Variants in NHSL2 observed in about 807,000 individuals in gnomAD.
NHSL2 encodes NHS like 2, also known as NHS-like protein 2.
In NHSL2, 27 loss-of-function variants were observed where a neutral mutation model predicts 53.4. That is an observed-to-expected ratio of 0.51 (90% CI 0.37 to 0.70). NHSL2 has a LOEUF of 0.70. NHSL2 is among the 30% of genes least tolerant of loss of function. NHSL2 has a pLI of 0.00. For synonymous variants in NHSL2, 408 were observed against 404.1 expected (o/e 1.01, Z -0.12); for missense variants, 892 against 980.1 (o/e 0.91, Z 1.20).
At chrX:72,064,864 A>C (rs1277658589) in intron 1 of NHSL2, among the ~76,000 whole-genome samples, 1 of 111,301 alleles carries the variant, frequency 9.0e-6, no homozygotes, top group Non-Finnish European at 1.9e-5. Flanking sequence ...ACAGGCGAAA[A>C]AGAAAGAAGC....
At position 72,134,143 on chromosome X, in the gene NHSL2, C is replaced by G. The variant is rs758768113; in HGVS notation, c.489C>G (p.Arg163=). Residue 163 remains arginine (R), a synonymous_variant, in exon 3 of 8, where the codon CGC becomes CGG. Transcript: ENST00000633930. ...CCAGACTTGTGGGGCAGACCTTCCG[C>G]TCTTCTGATGAGGCCACTAAGCCCA... ...SEARLVGQTF[R]SSDEATKPTP... The G allele has an allele frequency of 1.4e-5, 16 of 1,165,202 alleles. No homozygotes were observed. The South Asian group carries it at 3.0e-4, about 22-fold the overall frequency.
chrX:71,945,126 G>C lies in NHSL2; in HGVS notation c.280+33759G>C, dbSNP rs184246000. Among the ~76,000 whole-genome samples, 218 of 112,165 alleles carry C rather than the reference G, an allele frequency of 1.9e-3. 1 individual carries two copies. Among genetic ancestry groups the C allele is most frequent in the African/African-American group, 6.8e-3 (209 of 30,860 alleles). On this transcript the variant is annotated intron_variant, in intron 1 of 7. Coordinates refer to ENST00000633930, the MANE Select transcript of NHSL2 (RefSeq NM_001013627.3). ...TTGAATGCCAACTCTGAGGCAGTTG[G>C]GGGGGTCATCCGTTGGGGAGTCCAG...
chrX:71,923,151 G>A (rs922802796), intron 1 of NHSL2, among the ~76,000 whole-genome samples: 2 of 111,304 alleles, frequency 1.8e-5, no homozygotes, highest in Non-Finnish European at 3.8e-5. Flanking sequence ...GATGCCAGAG[G>A]GAGCTGGTAG....
intron 1 of NHSL2, among the ~76,000 whole-genome samples, chrX:72,106,228 A>AATTC (rs2042039022): frequency 1.8e-5 from 2 of 109,725 alleles, no homozygotes; most frequent in South Asian, 7.6e-4. Flanking sequence ...AAGAAACTTG[A>AATTC]ATTCATTCAT....
At chrX:71,922,115 T>G (rs1048638606) in intron 1 of NHSL2, among the ~76,000 whole-genome samples, 1 of 112,701 alleles carries the variant, frequency 8.9e-6, no homozygotes, top group Non-Finnish European at 1.9e-5. Flanking sequence ...TAATCCCATT[T>G]ATACTTCAAC....
chrX:71,928,439 G>A (rs2041696503), intron 1 of NHSL2, among the ~76,000 whole-genome samples: 1 of 112,416 alleles, frequency 8.9e-6, no homozygotes, highest in Non-Finnish European at 1.9e-5. Flanking sequence ...GATGCTTTGT[G>A]CCTAATGTCA....
At chrX:72,099,806 T>C (rs761928180) in intron 1 of NHSL2, among the ~76,000 whole-genome samples, 2 of 112,874 alleles carry the variant, frequency 1.8e-5, no homozygotes, top group Admixed American at 1.9e-4. Flanking sequence ...AAATTATTAA[T>C]GGGATACTTT....
intron 1 of NHSL2, among the ~76,000 whole-genome samples, chrX:72,117,818 T>TTTTATTTA (rs779724895): frequency 0.16 from 15,215 of 95,339 alleles, 1,127 homozygotes; most frequent in African/African-American, 0.21. Flanking sequence ...TAGACCACAT[T>TTTTATTTA]TTTATTTATT....
intron 1 of NHSL2, among the ~76,000 whole-genome samples, chrX:72,099,231 C>T (rs1296395407): frequency 8.9e-6 from 1 of 112,044 alleles, no homozygotes; most frequent in Non-Finnish European, 1.9e-5. Context: ...GCTACATTCC[C>T]CTCCCCAGCT....
At chrX:72,087,726 G>C (rs756399824) in intron 1 of NHSL2, among the ~76,000 whole-genome samples, 1 of 110,722 alleles carries the variant, frequency 9.0e-6, no homozygotes, top group South Asian at 3.8e-4. Context: ...AAAAAAATTA[G>C]CCAGGCGTGG....
intron 1 of NHSL2, among the ~76,000 whole-genome samples, chrX:72,086,683 C>CAAAA (rs34481140): frequency 4.1e-3 from 92 of 22,323 alleles, no homozygotes; most frequent in Middle Eastern, 0.05. Flanking sequence ...AACTCCATCT[C>CAAAA]AAAAAAAAAA....
intron 1 of NHSL2, among the ~76,000 whole-genome samples, chrX:72,114,482 A>T (rs189856595): frequency 1.8e-5 from 2 of 111,564 alleles, no homozygotes; most frequent in East Asian, 5.7e-4. Flanking sequence ...GGCAGAGATT[A>T]GTGTGCAGGA....
intron 1 of NHSL2, among the ~76,000 whole-genome samples, chrX:71,978,348 C>T (rs2041958143): frequency 8.9e-6 from 1 of 112,206 alleles, no homozygotes; most frequent in Non-Finnish European, 1.9e-5. Flanking sequence ...GACCTGCCAA[C>T]CCCTGCCCTT....
intron 1 of NHSL2, among the ~76,000 whole-genome samples, chrX:72,030,526 G>A (rs1478380200): frequency 9.0e-6 from 1 of 111,707 alleles, no homozygotes; most frequent in African/African-American, 3.3e-5. Context: ...ATACATCTGT[G>A]TGTAACCACC....
At chrX:71,972,061 G>A (rs2041927246) in intron 1 of NHSL2, among the ~76,000 whole-genome samples, 1 of 110,026 alleles carries the variant, frequency 9.1e-6, no homozygotes, top group African/African-American at 3.3e-5. Flanking sequence ...CTGAGATGGA[G>A]TTTCACTCTT....
At chrX:71,956,212 A>G (rs1299859033) in intron 1 of NHSL2, among the ~76,000 whole-genome samples, 1 of 112,482 alleles carries the variant, frequency 8.9e-6, no homozygotes, top group Non-Finnish European at 1.9e-5. Flanking sequence ...TTTGAAGTAT[A>G]CAGGTTGATG....
chrX:72,068,897 A>G (rs1023419295), intron 1 of NHSL2, among the ~76,000 whole-genome samples: 4 of 111,925 alleles, frequency 3.6e-5, no homozygotes, highest in Non-Finnish European at 7.5e-5. Flanking sequence ...CACACTGGGC[A>G]TTCTTGTGGC....
chrX:71,974,898 T>C (rs1260271539), intron 1 of NHSL2, among the ~76,000 whole-genome samples: 1 of 112,154 alleles, frequency 8.9e-6, no homozygotes, highest in Non-Finnish European at 1.9e-5. Flanking sequence ...CTCTCCTCAA[T>C]TGTATCTCTT....
At chrX:71,963,976 T>C (rs62612113) in intron 1 of NHSL2, among the ~76,000 whole-genome samples, 600 of 5,022 alleles carry the variant, frequency 0.12, 58 homozygotes, top group Middle Eastern at 0.2. Context: ...TATATATACA[T>C]ATATATATAT....
Sources: gnomAD v4.1 joint callset for allele counts (sites outside exome capture counted in the v4.1 genomes callset) on GRCh38, gnomAD v4.1.1 for gene constraint, MANE v1.5 for transcripts, NCBI Gene and HGNC (gene_info 2026-07-23, HGNC 2026-07-21) for gene names.